Variants in SLC12A8 observed in about 807,000 individuals in gnomAD.
SLC12A8 encodes the protein cation-chloride cotransporter 9.
SLC12A8 carries 69 observed loss-of-function variants against 75.6 expected under a neutral mutation model. The observed-to-expected ratio is 0.91, with a 90% CI of 0.75 to 1.11. The LOEUF (loss-of-function observed/expected upper bound fraction) is 1.11. Ranked by LOEUF, SLC12A8 falls within the 50% of genes most tolerant of loss-of-function variation. The pLI is 0.00. For missense variants in SLC12A8, 877 were observed against 896.7 expected, an observed-to-expected ratio of 0.98 and a Z score of 0.28; for synonymous variants, 365 against 372.8, an observed-to-expected ratio of 0.98 and a Z score of 0.24.
Position 125,088,330 on chromosome 3 carries a change from A to G in SLC12A8, c.1962T>C (p.Ser654=). 1.2e-6 allele frequency: 2 copies of G among 1,614,214 alleles called. No homozygotes were observed. The highest frequency in any genetic ancestry group is 8.5e-7 in the Non-Finnish European group (1 of 1,180,038). The part of the protein sequence containing the change: ...SNFSFFRWMR[S]LLLPSCRSLR... ...CAGACCTGCAGGAGGGGAGCAAGAG[A>G]GACCTCATCCACCGGAAAAAGCTGA... The change falls in exon 13 of 14, where the codon TCT becomes TCC. Residue 654 remains serine, a synonymous_variant. Transcript: ENST00000469902.
intron 2 of SLC12A8, among the ~76,000 whole-genome samples, chr3:125,193,432 G>A (rs556109060): frequency 6.6e-5 from 10 of 152,248 alleles, no homozygotes; most frequent in East Asian, 3.9e-4. Context: ...GTCCAGGCTC[G>A]CCACATTTGT....
intron 2 of SLC12A8, among the ~76,000 whole-genome samples, chr3:125,209,517 G>A (rs1279757608): frequency 6.6e-6 from 1 of 152,128 alleles, no homozygotes; most frequent in Non-Finnish European, 1.5e-5. Context: ...AATGCAAATG[G>A]CAACTCACCC....
At chr3:125,115,479 T>G (rs1036522845) in intron 8 of SLC12A8, among the ~76,000 whole-genome samples, 2 of 151,608 alleles carry the variant, frequency 1.3e-5, no homozygotes, top group Non-Finnish European at 2.9e-5. Context: ...GCTGAGATCA[T>G]GCCATTGCAC....
chr3:125,174,887 C>T (rs927913896), intron 5 of SLC12A8, among the ~76,000 whole-genome samples: 7 of 152,140 alleles, frequency 4.6e-5, no homozygotes, highest in African/African-American at 1.7e-4. Flanking sequence ...TGTAATGCTG[C>T]ATACGTAACA....
intron 5 of SLC12A8, among the ~76,000 whole-genome samples, chr3:125,173,564 G>T (rs544394659): frequency 6.7e-6 from 1 of 149,800 alleles, no homozygotes; most frequent in Admixed American, 6.7e-5. Flanking sequence ...AAAACTTCTA[G>T]AATGAGAAAA....
intron 13 of SLC12A8, among the ~76,000 whole-genome samples, chr3:125,085,210 A>G (rs1207514665): frequency 1.3e-5 from 2 of 152,256 alleles, no homozygotes; most frequent in African/African-American, 4.8e-5. Flanking sequence ...ACACCAGTCA[A>G]CATGTAAGTG....
chr3:125,168,111 T>C (rs76397908), intron 5 of SLC12A8, among the ~76,000 whole-genome samples: 1 of 152,204 alleles, frequency 6.6e-6, no homozygotes, highest in South Asian at 2.1e-4. Flanking sequence ...GGATAAATTC[T>C]GATTTGGACA....
chr3:125,088,839 A>G (rs1938522220), intron 12 of SLC12A8, among the ~76,000 whole-genome samples: 1 of 152,220 alleles, frequency 6.6e-6, no homozygotes, highest in African/African-American at 2.4e-5. Flanking sequence ...TTTTTTTAAC[A>G]GGTGTTAAGT....
chr3:125,189,462 A>G (rs1398225905), intron 3 of SLC12A8, among the ~76,000 whole-genome samples: 1 of 152,090 alleles, frequency 6.6e-6, no homozygotes, highest in African/African-American at 2.4e-5. Context: ...GCTTCCTGAC[A>G]CCTCAGTGAC....
chr3:125,130,375 T>A (rs1235516505), intron 6 of SLC12A8, among the ~76,000 whole-genome samples: 1 of 151,854 alleles, frequency 6.6e-6, no homozygotes, highest in Non-Finnish European at 1.5e-5. Context: ...GTGGATCACT[T>A]GAGGTCAAGA....
chr3:125,190,377 C>T lies in SLC12A8; in HGVS notation c.196G>A (p.Val66Met). The T allele has an allele frequency of 1.2e-6, 2 of 1,614,074 alleles. No individual in the cohort carries two copies. The highest frequency in any genetic ancestry group is 8.5e-7 in the Non-Finnish European group (1 of 1,179,960). The stretch of plus-strand genomic sequence containing the variant: ...CAGGCCACCAACTCAGCACTCACCA[C>T]CAGCCAGCCAGTCCTCAGGAAGAGC... ...VVLFLRTGWLVGNTGVLLGMF... is the reference protein window; with the variant it reads ...VVLFLRTGWLMGNTGVLLGMF... Residue 66 changes from valine to methionine, a missense_variant and splice_region_variant, in exon 3 of 14, where the codon GTG becomes ATG. By Grantham distance (21) the Val-to-Met change is conservative (BLOSUM62 1). Coordinates refer to ENST00000469902, the MANE Select transcript of SLC12A8 (RefSeq NM_024628.6).
intron 4 of SLC12A8, among the ~76,000 whole-genome samples, chr3:125,185,470 A>G (rs192791642): frequency 6.2e-4 from 94 of 152,296 alleles, no homozygotes; most frequent in African/African-American, 1.9e-3. Flanking sequence ...AGATTCCATT[A>G]GTAACCAAAA....
chr3:125,091,912 T>C (rs985748626), intron 11 of SLC12A8, among the ~76,000 whole-genome samples, 189 bp downstream of exon 11: 2 of 152,216 alleles, frequency 1.3e-5, no homozygotes, highest in Admixed American at 6.5e-5. Context: ...AAGGAAATTA[T>C]TGATTAAAAT....
At position 125,083,662 on chromosome 3, in the gene SLC12A8, C is replaced by T; in HGVS notation, c.*228G>A. 2 of 428,432 alleles carry T rather than the reference C, an allele frequency of 4.7e-6. No individual in the cohort carries two copies. The highest frequency in any genetic ancestry group is 6.2e-5 in the South Asian group (2 of 32,062). 26.5% of individuals were successfully genotyped at this position (428,432 alleles called of 1,614,324 possible). A position where few individuals can be genotyped will look rare whatever the true frequency, so the allele number is the denominator to read the frequency against. On this transcript the variant is annotated 3_prime_UTR_variant, in exon 14 of 14. Coordinates refer to ENST00000469902, the MANE Select transcript of SLC12A8 (RefSeq NM_024628.6). Reference sequence around the variant, plus strand: ...GCTTGAACTCGGGAAGCAGAGGTTGCAGTGAGCCAAGATTGTGCCACTGGA... The same window carrying T: ...GCTTGAACTCGGGAAGCAGAGGTTGTAGTGAGCCAAGATTGTGCCACTGGA...
At position 125,107,844 on chromosome 3, in the gene SLC12A8, G is replaced by T. The variant is rs973947012; in HGVS notation, c.1342C>A (p.Gln448Lys). The change falls in exon 10 of 14, where the codon CAA becomes AAA. Residue 448 changes from glutamine (Q) to lysine (K), a missense_variant. Transcript: ENST00000469902. ...APSYGSEGPA[Q>K]RVLEGTLLEF... is the part of the protein sequence containing the mutation. ...AGTAGCGTGCCCTCCAAGACTCTTT[G>T]GGCAGGTCCCTCAGAGCCGTAACTG... 15 of 1,614,044 alleles carry T rather than the reference G, an allele frequency of 9.3e-6. No individual in the cohort carries two copies. The highest frequency in any genetic ancestry group is 8.5e-7 in the Non-Finnish European group (1 of 1,180,052).
intron 3 of SLC12A8, 21 bp from the exon 4 acceptor site, chr3:125,187,449 G>A (rs570841244): frequency 1.2e-6 from 2 of 1,610,986 alleles, no homozygotes; most frequent in East Asian, 4.5e-5. Flanking sequence ...ATAGCAAGGA[G>A]CAAGGTTGGA....
intron 8 of SLC12A8, among the ~76,000 whole-genome samples, chr3:125,114,103 G>A (rs1168560213): frequency 1.3e-5 from 2 of 151,948 alleles, no homozygotes; most frequent in Non-Finnish European, 2.9e-5. Flanking sequence ...ACATCTCCAC[G>A]CTCCATGAAT....
At chr3:125,202,653 A>AAAAAAAT (rs1303382311) in intron 2 of SLC12A8, among the ~76,000 whole-genome samples, 4 of 103,722 alleles carry the variant, frequency 3.9e-5, no homozygotes, top group South Asian at 3.9e-4. Flanking sequence ...TTTTTTTTAA[A>AAAAAAAT]TCTGTATCTA....
rs1345170689 is a variant in SLC12A8 at position 125,108,030 on chromosome 3, T to G, written c.1156A>C (p.Ile386Leu). The G allele has an allele frequency of 6.2e-7, 1 of 1,614,174 alleles. No individual in the cohort carries two copies. The highest frequency in any genetic ancestry group is 1.6e-4 in the Middle Eastern group (1 of 6,062). Reference protein sequence around the residue: ...FVGQVNVLAPIVTINFMLTYV... With the variant: ...FVGQVNVLAPLVTINFMLTYV... ...GTCAGCATGAAGTTGATGGTGACGA[T>G]GGGGGCCAGAACGTTCACTTGACCC... Residue 386 changes from isoleucine to leucine, a missense_variant, in exon 10 of 14, where the codon ATC (isoleucine) becomes CTC (leucine). Coordinates refer to ENST00000469902, the MANE Select transcript of SLC12A8 (RefSeq NM_024628.6).
Sources: gnomAD v4.1 joint callset for allele counts (sites outside exome capture counted in the v4.1 genomes callset) on GRCh38, gnomAD v4.1.1 for gene constraint, MANE v1.5 for transcripts, NCBI Gene and HGNC (gene_info 2026-07-23, HGNC 2026-07-21) for gene names.